The following KTN1 variants were observed in gnomAD, a reference collection of about 807,000 sequenced individuals.
KTN1 encodes the protein kinectin 1.
Under a neutral mutation model 222.5 loss-of-function variants are expected in KTN1, and 130 were observed. That is an observed-to-expected ratio of 0.58 (90% confidence interval 0.51 to 0.68). The LOEUF (loss-of-function observed/expected upper bound fraction) is 0.68. Ranked by LOEUF, KTN1 falls within the 30% of genes least tolerant of loss-of-function variation. KTN1 has a pLI of 0.00. For missense variants in KTN1, 1,508 were observed against 1,500.4 expected (o/e 1.01, Z -0.08); for synonymous variants, 512 against 496.3 (o/e 1.03, Z -0.42).
Position 55,619,287 on chromosome 14 carries a change from G to T in KTN1, c.938G>T (p.Gly313Val), listed in dbSNP as rs558675926. 1 of 1,613,540 alleles carries T rather than the reference G, an allele frequency of 6.2e-7. No individual in the cohort carries two copies. The change falls in exon 5 of 44, where the codon GGT (glycine) becomes GTT (valine). Residue 313 changes from glycine (G) to valine (V), a missense_variant. Transcript: ENST00000395314. The part of the protein sequence containing the change: ...CVVDLLKEKS[G>V]VIQDALKKSS... ...GTAGACTTGCTAAAGGAGAAGTCTG[G>T]TGTAATACAAGATGCTTTAAAGAAG...
intron 42 of KTN1, 74 bp from the exon 43 acceptor site, chr14:55,679,491 C>T: frequency 8.0e-7 from 1 of 1,246,386 alleles, no homozygotes; most frequent in Non-Finnish European, 1.1e-6. Flanking sequence ...AGCAATATAA[C>T]ATTTTCTGTT....
rs561308316 is a variant in KTN1 at position 55,611,981 on chromosome 14, C to CGTT, written c.-30-38_-30-37insGTT. On this transcript the variant is annotated intron_variant, in intron 1 of 43. Coordinates refer to ENST00000395314, the MANE Select transcript of KTN1 (RefSeq NM_001079521.2). ...TTAATTTTTATGAGACTGACAGGTT[C>CGTT]TTTTTTTTTTTTTGTCCCCACCTTC... 441 of 768,680 alleles carry CGTT rather than the reference C, an allele frequency of 5.7e-4. 1 individual carries two copies. The highest frequency in any genetic ancestry group is 1.5e-3 in the South Asian group (36 of 24,170). The allele number at this position is 768,680 out of a possible 1,614,324, so 47.6% of individuals were successfully genotyped here.
intron 18 of KTN1, among the ~76,000 whole-genome samples, chr14:55,642,181 A>G (rs1221923368): frequency 6.6e-6 from 1 of 152,076 alleles, no homozygotes; most frequent in East Asian, 1.9e-4. Flanking sequence ...CTCTCATTCC[A>G]AGCCTTTCAC....
At chr14:55,594,118 A>G (rs534191700) in intron 1 of KTN1, among the ~76,000 whole-genome samples, 5 of 152,322 alleles carry the variant, frequency 3.3e-5, no homozygotes, top group Admixed American at 2.0e-4. Context: ...GGTTGGTGCA[A>G]AAGTAATATT....
At chr14:55,637,164 A>G (rs10483647) in intron 10 of KTN1, 34 bp from the exon 11 acceptor site, 269,835 of 1,504,912 alleles carry the variant, frequency 0.18, 26,349 homozygotes, top group East Asian at 0.32. Flanking sequence ...AGGCAAAGAA[A>G]GAGACCTCTG....
chr14:55,582,819 A>G (rs1281275594), intron 1 of KTN1, among the ~76,000 whole-genome samples: 1 of 152,184 alleles, frequency 6.6e-6, no homozygotes, highest in Non-Finnish European at 1.5e-5. Flanking sequence ...AAGATCGTTC[A>G]TATATTTGAG....
intron 1 of KTN1, among the ~76,000 whole-genome samples, chr14:55,600,815 A>G (rs183097363): frequency 2.4e-4 from 37 of 152,228 alleles, no homozygotes; most frequent in East Asian, 2.1e-3. Context: ...TTGAAAGACT[A>G]TTTTAAAAAG....
intron 5 of KTN1, among the ~76,000 whole-genome samples, chr14:55,622,134 A>C (rs1296319668): frequency 5.5e-4 from 83 of 152,280 alleles, no homozygotes; most frequent in Non-Finnish European, 2.9e-5. Flanking sequence ...GGTGTGAGCC[A>C]CCGTGCCCGG....
At chr14:55,618,192 A>T (rs2038659325) in intron 4 of KTN1, 58 bp downstream of exon 4, 1 of 1,252,730 alleles carries the variant, frequency 8.0e-7, no homozygotes, top group Non-Finnish European at 1.1e-6. Flanking sequence ...CTGAGTTCTG[A>T]TGGAGTCATA....
At chr14:55,604,297 T>G (rs1053081495) in intron 1 of KTN1, among the ~76,000 whole-genome samples, 1 of 152,196 alleles carries the variant, frequency 6.6e-6, no homozygotes, top group Non-Finnish European at 1.5e-5. Flanking sequence ...TCATTCACTG[T>G]ATTTTGCTCT....
rs755601927 is a variant in KTN1, at chr14:55,612,502, C to T, written c.454C>T (p.Pro152Ser). 1 of 1,612,408 alleles carries T rather than the reference C, an allele frequency of 6.2e-7. No individual in the cohort carries two copies. The highest frequency in any genetic ancestry group is 8.5e-7 in the Non-Finnish European group (1 of 1,179,628). The change falls in exon 2 of 44, where the codon CCC (proline) becomes TCC (serine). Residue 152 changes from proline to serine, a missense_variant. Physicochemically the swap from Pro to Ser is moderately conservative, Grantham distance 74 (BLOSUM62 -1). Transcript: ENST00000395314. ...KVEPVPVTKQ[P>S]TPPSEAAASK... is the part of the protein sequence containing the mutation. Reference sequence around the variant, plus strand: ...AGAACCTGTCCCAGTTACTAAACAGCCCACCCCTCCCTCTGAAGCAGCTGC... The same window carrying T: ...AGAACCTGTCCCAGTTACTAAACAGTCCACCCCTCCCTCTGAAGCAGCTGC...
intron 30 of KTN1, among the ~76,000 whole-genome samples, chr14:55,658,975 G>A (rs1209190804): frequency 6.6e-6 from 1 of 152,108 alleles, no homozygotes; most frequent in Non-Finnish European, 1.5e-5. Context: ...TAACTGGAGA[G>A]AAACTAACAA....
chr14:55,662,526 G>A (rs149500645), intron 32 of KTN1, among the ~76,000 whole-genome samples: 99 of 152,262 alleles, frequency 6.5e-4, no homozygotes, highest in African/African-American at 2.2e-3. Context: ...ACAATTTAGT[G>A]GAATTTCTTA....
At chr14:55,604,168 T>C (rs1323386022) in intron 1 of KTN1, among the ~76,000 whole-genome samples, 1 of 152,180 alleles carries the variant, frequency 6.6e-6, no homozygotes, top group East Asian at 1.9e-4. Context: ...TTTCAAATTC[T>C]CTTTGACCTC....
At chr14:55,620,611 T>C (rs1341925718) in intron 5 of KTN1, among the ~76,000 whole-genome samples, 3 of 152,222 alleles carry the variant, frequency 2.0e-5, no homozygotes, top group Non-Finnish European at 4.4e-5. Flanking sequence ...TTGGGGCTTG[T>C]ACCCTCTGAA....
chr14:55,621,471 C>G (rs1464409290), intron 5 of KTN1, among the ~76,000 whole-genome samples: 1 of 152,176 alleles, frequency 6.6e-6, no homozygotes, highest in Non-Finnish European at 1.5e-5. Flanking sequence ...AATGGACTCA[C>G]AGTTTCATGT....
At chr14:55,600,664 A>G (rs188418283) in intron 1 of KTN1, among the ~76,000 whole-genome samples, 2,488 of 134,668 alleles carry the variant, frequency 0.018, 37 homozygotes, top group African/African-American at 0.045. Context: ...AAGATGGTAG[A>G]TTTTAAGGGG....
Position 55,646,478 on chromosome 14 carries a change from T to TTC in KTN1, c.2173-495_2173-494insTC, listed in dbSNP as rs764763217. On this transcript the variant is annotated intron_variant, in intron 18 of 43. Coordinates refer to ENST00000395314, the MANE Select transcript of KTN1 (RefSeq NM_001079521.2). Reference sequence around the variant, plus strand: ...CTTTTCCTTTTCCTTTCCTTTCCTTTCCTTTCCTTTCCTTTCCTTTCCTTT... The same window carrying TTC: ...CTTTTCCTTTTCCTTTCCTTTCCTTTTCCCTTTCCTTTCCTTTCCTTTCCTTT... 2.9e-3 allele frequency among the ~76,000 whole-genome samples: 164 copies of TTC among 57,080 alleles called. 3 individuals are homozygous for TTC. The highest frequency in any genetic ancestry group is 8.5e-3 in the South Asian group (12 of 1,420). 37.4% of individuals were successfully genotyped at this position (57,080 alleles called of 152,430 possible).
intron 1 of KTN1, among the ~76,000 whole-genome samples, chr14:55,584,942 G>T (rs1195152158): frequency 6.6e-6 from 1 of 152,032 alleles, no homozygotes; most frequent in East Asian, 1.9e-4. Context: ...GGACCAGCCT[G>T]GGCAACGTGG....
Sources: gnomAD v4.1 joint callset for allele counts (sites outside exome capture counted in the v4.1 genomes callset) on GRCh38, gnomAD v4.1.1 for gene constraint, MANE v1.5 for transcripts, NCBI Gene and HGNC (gene_info 2026-07-23, HGNC 2026-07-21) for gene names.